Variants in ALOX5AP observed in about 807,000 individuals in gnomAD.
The protein encoded by ALOX5AP is arachidonate 5-lipoxygenase activating protein, also known as arachidonate 5-lipoxygenase-activating protein.
In ALOX5AP, 9 loss-of-function variants were observed where a neutral mutation model predicts 18.5. The observed-to-expected ratio is 0.49, with a 90% CI of 0.29 to 0.85. ALOX5AP has a LOEUF of 0.85. ALOX5AP is among the 40% of genes least tolerant of loss of function. The probability of loss-of-function intolerance (pLI) is 0.08; values close to 1 mark genes in which losing one functional copy is unlikely to be tolerated. For missense variants in ALOX5AP, 172 were observed against 202.5 expected (o/e 0.85, Z 0.91); for synonymous variants, 81 against 78.6 (o/e 1.03, Z -0.16).
At chr13:30,754,057 T>C (rs1051452797) in intron 3 of ALOX5AP, among the ~76,000 whole-genome samples, 7 of 152,110 alleles carry the variant, frequency 4.6e-5, no homozygotes, top group Non-Finnish European at 8.8e-5. Flanking sequence ...CTGACCAACA[T>C]GGAGAAACCC....
Position 30,752,035 on chromosome 13 carries a change from G to A in ALOX5AP, c.171-17G>A, listed in dbSNP as rs545270644. Reference sequence around the variant, plus strand: ...TTGGTCTCTGATTGTTTTTCTCCTTGTTTGTTTATTCTGCAGCCAGAACTG... The same window carrying A: ...TTGGTCTCTGATTGTTTTTCTCCTTATTTGTTTATTCTGCAGCCAGAACTG... On this transcript the variant is annotated splice_polypyrimidine_tract_variant and intron_variant, in intron 2 of 4. Coordinates refer to ENST00000380490, the MANE Select transcript of ALOX5AP (RefSeq NM_001629.4). 8.7e-6 allele frequency: 14 copies of A among 1,613,356 alleles called. No individual in the cohort carries two copies. The South Asian group carries it at 1.4e-4, about 16-fold the overall frequency.
intron 1 of ALOX5AP, among the ~76,000 whole-genome samples, chr13:30,741,718 TATA>T (rs1442355782): frequency 6.6e-6 from 1 of 151,978 alleles, no homozygotes; most frequent in Non-Finnish European, 1.5e-5. Context: ...CTAGATTACT[TATA>T]ATACCTGATA....
chr13:30,726,650 T>C (rs937395896), intron 1 of ALOX5AP, among the ~76,000 whole-genome samples: 2 of 152,234 alleles, frequency 1.3e-5, no homozygotes, highest in Non-Finnish European at 2.9e-5. Flanking sequence ...GAATATGTCT[T>C]CTTTATCTTG....
intron 1 of ALOX5AP, among the ~76,000 whole-genome samples, chr13:30,739,804 A>G (rs1197946257): frequency 6.6e-6 from 1 of 152,234 alleles, no homozygotes; most frequent in Non-Finnish European, 1.5e-5. Context: ...GAAAGTCCCA[A>G]GGTCAGGAGT....
upstream of ALOX5AP, among the ~76,000 whole-genome samples, chr13:30,732,679 G>A (rs959042916): frequency 1.3e-5 from 2 of 152,184 alleles, no homozygotes; most frequent in African/African-American, 2.4e-5. Flanking sequence ...TTTGACAGGT[G>A]ATGGAAGCTG....
At chr13:30,738,776 G>C (rs1293452900) in intron 1 of ALOX5AP, among the ~76,000 whole-genome samples, 1 of 152,202 alleles carries the variant, frequency 6.6e-6, no homozygotes, top group Non-Finnish European at 1.5e-5. Context: ...CATCTGCTCT[G>C]GTTGTAGGGG....
intron 1 of ALOX5AP, among the ~76,000 whole-genome samples, chr13:30,741,427 A>G (rs1324568974): frequency 8.6e-6 from 1 of 116,622 alleles, no homozygotes; most frequent in East Asian, 2.5e-4. Flanking sequence ...ATGGAGTTTC[A>G]CTCTTGTCAC....
At chr13:30,734,358 A>G (rs1031832458), upstream of ALOX5AP, among the ~76,000 whole-genome samples, 3 of 152,172 alleles carry the variant, frequency 2.0e-5, no homozygotes, top group African/African-American at 7.2e-5. Flanking sequence ...ATCTTCCCCT[A>G]CACTGACCTC....
intron 4 of ALOX5AP, 65 bp downstream of exon 4, chr13:30,756,090 A>T: frequency 6.7e-7 from 1 of 1,498,848 alleles, no homozygotes; most frequent in Middle Eastern, 1.8e-4. Flanking sequence ...GAAGAGTGAC[A>T]ATTCAAAACA....
At chr13:30,733,890 C>T (rs1055190164), upstream of ALOX5AP, among the ~76,000 whole-genome samples, 1 of 152,160 alleles carries the variant, frequency 6.6e-6, no homozygotes, top group Non-Finnish European at 1.5e-5. Context: ...CCATCTTCTC[C>T]TGCCCTTGGA....
intron 1 of ALOX5AP, among the ~76,000 whole-genome samples, chr13:30,727,608 A>G (rs1396299036): frequency 6.6e-6 from 1 of 152,096 alleles, no homozygotes; most frequent in Non-Finnish European, 1.5e-5. Context: ...TCTGTCTCAC[A>G]TTGTTGGGAA....
intron 2 of ALOX5AP, among the ~76,000 whole-genome samples, chr13:30,751,223 C>T (rs892420800): frequency 6.6e-6 from 1 of 152,160 alleles, no homozygotes; most frequent in Admixed American, 6.6e-5. Context: ...GCCACCACAC[C>T]TGGCTATTTT....
chr13:30,735,796 C>T, intron 1 of ALOX5AP, 121 bp downstream of exon 1: 3 of 1,138,340 alleles, frequency 2.6e-6, no homozygotes, highest in Non-Finnish European at 3.7e-6. Flanking sequence ...TTTACCTTAT[C>T]TTTATTTTCT....
intron 4 of ALOX5AP, among the ~76,000 whole-genome samples, chr13:30,761,238 A>C (rs1163123890): frequency 6.6e-6 from 1 of 152,158 alleles, no homozygotes; most frequent in East Asian, 1.9e-4. Flanking sequence ...GAGTTAAAGC[A>C]CCCTAGTCCT....
At chr13:30,741,391 CTTTT>C (rs34793607) in intron 1 of ALOX5AP, among the ~76,000 whole-genome samples, 1 of 128,776 alleles carries the variant, frequency 7.8e-6, no homozygotes, top group Non-Finnish European at 1.6e-5. Context: ...CTTGTTTTGT[CTTTT>C]TTTTTTTTTT....
At chr13:30,721,917 C>T (rs1003993995) in intron 1 of ALOX5AP, among the ~76,000 whole-genome samples, 17 of 152,256 alleles carry the variant, frequency 1.1e-4, no homozygotes, top group South Asian at 8.3e-4. Flanking sequence ...TTTGTATTTG[C>T]CAAGACAACA....
intron 1 of ALOX5AP, among the ~76,000 whole-genome samples, chr13:30,736,373 C>G (rs1410237918): frequency 6.6e-6 from 1 of 151,852 alleles, no homozygotes; most frequent in African/African-American, 2.4e-5. Flanking sequence ...CAACAAAAAA[C>G]AAGCAGGATA....
chr13:30,753,589 T>G (rs544321539), intron 3 of ALOX5AP, among the ~76,000 whole-genome samples: 1 of 152,258 alleles, frequency 6.6e-6, no homozygotes, highest in East Asian at 1.9e-4. Flanking sequence ...ACTGTAGAAT[T>G]TTTTTTAGCA....
chr13:30,724,803 A>G (rs1951626386), intron 1 of ALOX5AP, among the ~76,000 whole-genome samples: 1 of 152,208 alleles, frequency 6.6e-6, no homozygotes, highest in African/African-American at 2.4e-5. Flanking sequence ...CCATCATCAA[A>G]TGGAATATGA....
Sources: allele counts gnomAD v4.1 joint callset (sites outside exome capture counted in the v4.1 genomes callset), GRCh38; gene constraint gnomAD v4.1.1; transcripts MANE v1.5; gene names NCBI Gene and HGNC (gene_info 2026-07-23, HGNC 2026-07-21).